GATAD2B: variants seen among roughly 807,000 people sequenced by gnomAD.
GATAD2B encodes the protein GATA zinc finger domain containing 2B, also known as transcriptional repressor p66-beta.
Under a neutral mutation model 64.3 loss-of-function variants are expected in GATAD2B, and 8 were observed. The ratio of observed to expected loss-of-function variants is 0.12; its 90% confidence interval spans 0.07 to 0.22. GATAD2B has a LOEUF of 0.22. Among genes scored for constraint, GATAD2B ranks in the 10% least tolerant of loss-of-function variants. GATAD2B has a pLI of 1.00. For missense variants in GATAD2B, 453 were observed against 752.0 expected (o/e 0.60, Z 4.65); for synonymous variants, 281 against 271.3 (o/e 1.04, Z -0.35).
intron 1 of GATAD2B, among the ~76,000 whole-genome samples, chr1:153,910,608 C>T (rs1306662066): frequency 2.6e-5 from 4 of 151,936 alleles, no homozygotes; most frequent in African/African-American, 7.3e-5. Context: ...GACGTGGTGG[C>T]GAGCACCTGT....
intron 1 of GATAD2B, chr1:153,852,058 T>C: frequency 1.9e-6 from 1 of 525,210 alleles, no homozygotes; most frequent in Non-Finnish European, 3.4e-6. Flanking sequence ...CGAAAGGTGT[T>C]AACTGGCTGG....
At chr1:153,901,676 T>G (rs1218240575) in intron 1 of GATAD2B, among the ~76,000 whole-genome samples, 1 of 151,144 alleles carries the variant, frequency 6.6e-6, no homozygotes, top group African/African-American at 2.4e-5. Flanking sequence ...ATACAAAAAT[T>G]AGCCAGGCAT....
intron 1 of GATAD2B, among the ~76,000 whole-genome samples, chr1:153,905,034 G>GCT (rs1677884574): frequency 6.6e-6 from 1 of 151,580 alleles, no homozygotes; most frequent in Admixed American, 6.6e-5. Flanking sequence ...AGTAGAGACG[G>GCT]GGTTTCACTA....
At chr1:153,835,601 G>A (rs1675234590) in intron 1 of GATAD2B, among the ~76,000 whole-genome samples, 1 of 151,888 alleles carries the variant, frequency 6.6e-6, no homozygotes, top group African/African-American at 2.4e-5. Context: ...AGGCTCAGAT[G>A]ATTGTTAGTA....
chr1:153,879,529 C>T (rs1676943317), intron 1 of GATAD2B, among the ~76,000 whole-genome samples: 2 of 151,808 alleles, frequency 1.3e-5, no homozygotes, highest in South Asian at 4.2e-4. Context: ...TATGGGAAGT[C>T]AAGACGGGCG....
chr1:153,827,000 C>A (rs1674903086), intron 2 of GATAD2B, among the ~76,000 whole-genome samples: 3 of 149,786 alleles, frequency 2.0e-5, no homozygotes. Context: ...TAATCCGGCA[C>A]TTTAGGAGGC....
At chr1:153,834,055 T>A (rs927205128) in intron 1 of GATAD2B, among the ~76,000 whole-genome samples, 1 of 151,774 alleles carries the variant, frequency 6.6e-6, no homozygotes, top group East Asian at 2.0e-4. Flanking sequence ...CAGTCTGGAG[T>A]GCAGTGGCAC....
intron 1 of GATAD2B, among the ~76,000 whole-genome samples, chr1:153,892,237 A>G (rs1431530974): frequency 6.6e-6 from 1 of 151,920 alleles, no homozygotes; most frequent in Admixed American, 6.6e-5. Flanking sequence ...TAGAAGCAGC[A>G]TAAGTCACTC....
intron 1 of GATAD2B, among the ~76,000 whole-genome samples, chr1:153,906,398 G>A (rs1281881037): frequency 3.3e-5 from 5 of 152,116 alleles, no homozygotes; most frequent in African/African-American, 7.2e-5. Context: ...CAGCCTGGGC[G>A]ACAGAGCCAG....
chr1:153,913,917 CAAAAAA>C (rs529962637), intron 1 of GATAD2B, among the ~76,000 whole-genome samples: 1 of 100,134 alleles, frequency 1.0e-5, no homozygotes, highest in African/African-American at 4.3e-5. Context: ...AAGACTCTGT[CAAAAAA>C]AAAAAAAAAG....
rs1294838675 is a variant in GATAD2B at position 153,861,809 on chromosome 1, T to TATATATATATATATATAC, written c.-1-33462_-1-33461insGTATATATATATATATAT. 7.8e-4 allele frequency among the ~76,000 whole-genome samples: 95 copies of TATATATATATATATATAC among 122,096 alleles called. 1 individual carries two copies. The highest frequency in any genetic ancestry group is 2.7e-3 in the African/African-American group (89 of 33,424). The allele number at this position is 122,096 out of a possible 152,430, so 80.1% of individuals were successfully genotyped here. ...AAAAAAAAAAAAATATATATATATA[T>TATATATATATATATATAC]ACACATATGTATATATATGTATATG... On this transcript the variant is annotated intron_variant, in intron 1 of 10. Coordinates refer to ENST00000368655, the MANE Select transcript of GATAD2B (RefSeq NM_020699.4).
chr1:153,848,876 C>A (rs1251665818), intron 1 of GATAD2B, among the ~76,000 whole-genome samples: 1 of 152,134 alleles, frequency 6.6e-6, no homozygotes, highest in Non-Finnish European at 1.5e-5. Flanking sequence ...CTGCTTGAAC[C>A]CGGGAGGCAG....
chr1:153,862,460 C>T (rs1676339462), intron 1 of GATAD2B, among the ~76,000 whole-genome samples: 1 of 151,990 alleles, frequency 6.6e-6, no homozygotes, highest in South Asian at 2.1e-4. Context: ...CTCATAACAT[C>T]CCTATAAAGA....
At chr1:153,833,819 A>C (rs1227826076) in intron 1 of GATAD2B, among the ~76,000 whole-genome samples, 3 of 145,110 alleles carry the variant, frequency 2.1e-5, no homozygotes, top group Non-Finnish European at 3.0e-5. Flanking sequence ...TCCAAAAAAA[A>C]AAAAAAAAAA....
At position 153,828,136 on chromosome 1, in the gene GATAD2B, C is replaced by T. The variant is rs1416057031; in HGVS notation, c.212G>A (p.Gly71Asp). The change falls in exon 2 of 11, where the codon GGT becomes GAT. Residue 71 changes from glycine (G) to aspartate (D), a missense_variant. Coordinates refer to ENST00000368655, the MANE Select transcript of GATAD2B (RefSeq NM_020699.4). ...AAGTTTTTCTTCATAGCCCTTGACA[C>T]CACTGCCATCCTGTTTGGTGGGTAA... ...HELPTKQDGS[G>D]VKGYEEKLNG... is the part of the protein sequence containing the mutation. The T allele has an allele frequency of 6.2e-7, 1 of 1,614,058 alleles. No individual in the cohort carries two copies. Among genetic ancestry groups the T allele is most frequent in the African/African-American group, 1.3e-5 (1 of 74,926 alleles).
intron 1 of GATAD2B, among the ~76,000 whole-genome samples, chr1:153,920,766 T>C (rs751569407): frequency 6.6e-6 from 1 of 152,226 alleles, no homozygotes; most frequent in Non-Finnish European, 1.5e-5. Flanking sequence ...ACTCAGCCTA[T>C]AGATTCAGCC....
At chr1:153,829,526 A>G (rs1277573956) in intron 1 of GATAD2B, among the ~76,000 whole-genome samples, 1 of 151,960 alleles carries the variant, frequency 6.6e-6, no homozygotes, top group Non-Finnish European at 1.5e-5. Context: ...TCACGAGGTC[A>G]GGAGTTCAAG....
rs1013090685 is a variant in GATAD2B, at chr1:153,804,828, T to G, written c.*5349A>C. ...TTTCTCCAAAAATTAGCTTATTATT[T>G]GAATCTGTCACTGCTGAAATGCTCA... On this transcript the variant is annotated 3_prime_UTR_variant, in exon 11 of 11. Coordinates refer to ENST00000368655, the MANE Select transcript of GATAD2B (RefSeq NM_020699.4). The G allele has an allele frequency of 1.3e-5, 2 of 152,652 alleles. No individual in the cohort carries two copies. Among genetic ancestry groups the G allele is most frequent in the African/African-American group, 4.8e-5 (2 of 41,448 alleles). 9.5% of individuals were successfully genotyped at this position (152,652 alleles called of 1,614,324 possible).
chr1:153,852,915 C>T (rs1401006172), intron 1 of GATAD2B: 5 of 800,034 alleles, frequency 6.2e-6, no homozygotes, highest in Non-Finnish European at 1.1e-5. Flanking sequence ...TGCTCATGAG[C>T]TGCATTATCT....
Sources: allele counts gnomAD v4.1 joint callset (sites outside exome capture counted in the v4.1 genomes callset), GRCh38; gene constraint gnomAD v4.1.1; transcripts MANE v1.5; gene names NCBI Gene and HGNC (gene_info 2026-07-23, HGNC 2026-07-21).